PRR7: variants seen among roughly 807,000 people sequenced by gnomAD.
PRR7 encodes the protein proline rich 7, synaptic.
In PRR7, 8 loss-of-function variants were observed where a neutral mutation model predicts 18.5. That is an observed-to-expected ratio of 0.43 (90% CI 0.25 to 0.78). The LOEUF is 0.78. Ranked by LOEUF, PRR7 falls within the 30% of genes least tolerant of loss-of-function variation. The probability of loss-of-function intolerance (pLI) is 0.22; values close to 1 mark genes in which losing one functional copy is unlikely to be tolerated. For missense variants in PRR7, 396 were observed against 403.1 expected (o/e 0.98, Z 0.15); for synonymous variants, 221 against 187.7 (o/e 1.18, Z -1.45).
intron 1 of PRR7, among the ~76,000 whole-genome samples, chr5:177,447,950 T>A (rs1416193772): frequency 6.6e-6 from 1 of 152,176 alleles, no homozygotes; most frequent in African/African-American, 2.4e-5. Context: ...ACGCGCCACA[T>A]GGAGGTGCCT....
At position 177,455,749 on chromosome 5, in the gene PRR7, G is replaced by A. The variant is rs775312472; in HGVS notation, c.453G>A (p.Pro151=). Residue 151 remains proline (P), a synonymous_variant, in exon 4 of 4, where the codon CCG becomes CCA. Coordinates refer to ENST00000323249, the MANE Select transcript of PRR7 (RefSeq NM_030567.5). This position sits in a 1 kb window ranked among gnomAD's most constrained non-coding sequence, Gnocchi z 6.9. ...RQAESDMSKP[P]CYEEAVLMAE... is the part of the protein sequence containing the mutation. ...CGGAATCGGACATGTCCAAACCACC[G>A]TGTTACGAAGAGGCGGTGCTGATGG... 8 of 1,606,932 alleles carry A rather than the reference G, an allele frequency of 5.0e-6. No individual in the cohort carries two copies. In the South Asian group the frequency reaches 7.7e-5, roughly 16 times the overall value.
At chr5:177,448,631 C>T (rs578017481) in intron 1 of PRR7, among the ~76,000 whole-genome samples, 17 of 152,228 alleles carry the variant, frequency 1.1e-4, no homozygotes, top group Non-Finnish European at 1.9e-4. Context: ...GAGGACATTC[C>T]CTGTCTTTCG....
intron 1 of PRR7, among the ~76,000 whole-genome samples, chr5:177,451,977 C>T (rs545299108): frequency 6.6e-6 from 1 of 152,302 alleles, no homozygotes; most frequent in Admixed American, 6.5e-5. Context: ...GAAACAGAGG[C>T]AACTTGGAGG....
At chr5:177,448,614 C>T (rs1211803852) in intron 1 of PRR7, among the ~76,000 whole-genome samples, 1 of 152,228 alleles carries the variant, frequency 6.6e-6, no homozygotes, top group Admixed American at 6.5e-5. Context: ...CTTCACTTTC[C>T]TCCAGTGAGG....
At position 177,455,945 on chromosome 5, in the gene PRR7, C is replaced by T; in HGVS notation, c.649C>T (p.Pro217Ser). The T allele has an allele frequency of 6.3e-7, 1 of 1,599,410 alleles. No individual in the cohort carries two copies. Among genetic ancestry groups the T allele is most frequent in the Non-Finnish European group, 8.5e-7 (1 of 1,175,994 alleles). ...GGGCTACACCTCGGCGCTGCACCTG[C>T]CCAGCGCCCCTCGGCCCGCGCCGCC... Reference protein sequence around the residue: ...DRGYTSALHLPSAPRPAPPCP... With the variant: ...DRGYTSALHLSSAPRPAPPCP... Residue 217 changes from proline (P) to serine (S), a missense_variant, in exon 4 of 4, where the codon CCC (proline) becomes TCC (serine). Pro to Ser is a moderately conservative substitution (Grantham distance 74). Around this residue, in one of 2 missense-constraint regions of PRR7, gnomAD observed 383 missense variants for 372.6 expected, o/e 1.03. Transcript: ENST00000323249. This position sits in a 1 kb window ranked among gnomAD's most constrained non-coding sequence, Gnocchi z 6.9.
At chr5:177,447,088 G>T (rs946067577) in intron 1 of PRR7, 128 bp downstream of exon 1, 1 of 151,972 alleles carries the variant, frequency 6.6e-6, no homozygotes, top group African/African-American at 2.4e-5. Context: ...TCCCCCGCCC[G>T]GGCCGCGAGC....
At chr5:177,447,395 C>A (rs1159516460) in intron 1 of PRR7, among the ~76,000 whole-genome samples, 1 of 152,142 alleles carries the variant, frequency 6.6e-6, no homozygotes, top group Non-Finnish European at 1.5e-5. Flanking sequence ...GGGGTGGGGG[C>A]GAACGGCCGT....
chr5:177,455,576 G>T lies in PRR7; in HGVS notation c.427+82G>T, dbSNP rs1400334572. The T allele has an allele frequency of 3.0e-5, 43 of 1,413,580 alleles. No individual in the cohort carries two copies. Among genetic ancestry groups the T allele is most frequent in the Non-Finnish European group, 3.7e-5 (40 of 1,090,150 alleles). 87.6% of individuals were successfully genotyped at this position (1,413,580 alleles called of 1,614,324 possible). A position where few individuals can be genotyped will look rare whatever the true frequency, so the allele number is the denominator to read the frequency against. On this transcript the variant is annotated intron_variant, in intron 3 of 3. Transcript: ENST00000323249. The surrounding 1 kb of genome is among the most constrained non-coding windows in gnomAD (Gnocchi z 6.9). ...GGAGGGCTCGCTGCTTACCCTCAGG[G>T]CTTCCATCCGCAGCCTCCGGGAGAA...
Position 177,454,991 on chromosome 5 carries a change from T to C in PRR7, c.-77T>C. On this transcript the variant is annotated 5_prime_UTR_variant, in exon 3 of 4. Coordinates refer to ENST00000323249, the MANE Select transcript of PRR7 (RefSeq NM_030567.5). This position sits in a 1 kb window ranked among gnomAD's most constrained non-coding sequence, Gnocchi z 4.7. ...GTGACGCTGGCGGCACCTGAGAGTGTGGCGCGGGCCCGGGGCCACGCAGCG... is the reference window on the plus strand; with the variant it reads ...GTGACGCTGGCGGCACCTGAGAGTGCGGCGCGGGCCCGGGGCCACGCAGCG... The C allele has an allele frequency of 1.5e-6, 2 of 1,370,922 alleles. No homozygotes were observed. Among genetic ancestry groups the C allele is most frequent in the East Asian group, 2.8e-5 (1 of 35,742 alleles). The allele number at this position is 1,370,922 out of a possible 1,614,324, so 84.9% of individuals were successfully genotyped here.
Position 177,456,161 on chromosome 5 carries a change from G to C in PRR7, c.*40G>C, listed in dbSNP as rs890382181. On this transcript the variant is annotated 3_prime_UTR_variant, in exon 4 of 4. Transcript: ENST00000323249. Reference sequence around the variant, plus strand: ...CCCCGGGCCCCACCGGCGGACTCCTGGCCTGACTGCGGGGCTTTTTAAATG... The same window carrying C: ...CCCCGGGCCCCACCGGCGGACTCCTCGCCTGACTGCGGGGCTTTTTAAATG... The C allele has an allele frequency of 3.0e-5, 43 of 1,410,732 alleles. No individual in the cohort carries two copies. The African/African-American group carries it at 5.9e-4, about 19-fold the overall frequency. The allele number at this position is 1,410,732 out of a possible 1,614,324, so 87.4% of individuals were successfully genotyped here. A position where few individuals can be genotyped will look rare whatever the true frequency, so the allele number is the denominator to read the frequency against.
In PRR7 at chr5:177,456,048, G is replaced by A; in HGVS notation, c.752G>A (p.Arg251His). ...PSWTDSELSS[R>H]EPLEHGAWRL... ...TGGACCGACTCAGAGCTCAGCAGCC[G>A]CGAGCCCCTGGAGCACGGAGCTTGG... Residue 251 changes from arginine (R) to histidine (H), a missense_variant, in exon 4 of 4, where the codon CGC (arginine) becomes CAC (histidine). By Grantham distance (29) the Arg-to-His change is conservative. Coordinates refer to ENST00000323249, the MANE Select transcript of PRR7 (RefSeq NM_030567.5). 6.3e-7 allele frequency: 1 copy of A among 1,576,216 alleles called. No individual in the cohort carries two copies. The highest frequency in any genetic ancestry group is 8.6e-7 in the Non-Finnish European group (1 of 1,167,578).
chr5:177,452,574 G>A (rs1179117605), intron 1 of PRR7, among the ~76,000 whole-genome samples: 6 of 152,222 alleles, frequency 3.9e-5, no homozygotes, highest in Non-Finnish European at 8.8e-5. Context: ...TGGCACTGCC[G>A]AGAAGACAGC....
chr5:177,455,009 A>C lies in PRR7; in HGVS notation c.-59A>C. On this transcript the variant is annotated 5_prime_UTR_variant, in exon 3 of 4. Coordinates refer to ENST00000323249, the MANE Select transcript of PRR7 (RefSeq NM_030567.5). The surrounding 1 kb of genome is among the most constrained non-coding windows in gnomAD (Gnocchi z 6.9). ...GAGAGTGTGGCGCGGGCCCGGGGCC[A>C]CGCAGCGGAGCCCAGTGTCCAGTGA... 1.4e-6 allele frequency: 2 copies of C among 1,388,852 alleles called. No homozygotes were observed. Among genetic ancestry groups the C allele is most frequent in the Non-Finnish European group, 1.9e-6 (2 of 1,071,480 alleles). The allele number at this position is 1,388,852 out of a possible 1,614,324, so 86.0% of individuals were successfully genotyped here.
In PRR7 at chr5:177,455,197, G is replaced by C. The variant is rs1352434360; in HGVS notation, c.130G>C (p.Glu44Gln). ...CCGCCGCCTCAAACGGCGCCAGGAG[G>C]AGCGACTGCGCGAGCAGAACCTGCG... ...LRRRLKRRQE[E>Q]RLREQNLRAL... Residue 44 changes from glutamate (E) to glutamine (Q), a missense_variant, in exon 3 of 4, where the codon GAG becomes CAG. Physicochemically the swap from Glu to Gln is conservative, Grantham distance 29. Around this residue, in one of 2 missense-constraint regions of PRR7, gnomAD observed 383 missense variants for 372.6 expected, o/e 1.03. Coordinates refer to ENST00000323249, the MANE Select transcript of PRR7 (RefSeq NM_030567.5). This position sits in a 1 kb window ranked among gnomAD's most constrained non-coding sequence, Gnocchi z 6.9. 2 of 1,572,220 alleles carry C rather than the reference G, an allele frequency of 1.3e-6. No homozygotes were observed. The highest frequency in any genetic ancestry group is 2.5e-5 in the East Asian group (1 of 40,244).
chr5:177,447,087 C>T (rs573405810), intron 1 of PRR7, 127 bp downstream of exon 1: 4,504 of 152,196 alleles, frequency 0.03, 96 homozygotes, highest in African/African-American at 0.056. Flanking sequence ...GTCCCCCGCC[C>T]GGGCCGCGAG....
In PRR7 at chr5:177,455,294, A is replaced by G. The variant is rs970037470; in HGVS notation, c.227A>G (p.Gln76Arg). 3.1e-5 allele frequency: 47 copies of G among 1,503,168 alleles called. No homozygotes were observed. The highest frequency in any genetic ancestry group is 4.1e-5 in the Non-Finnish European group (47 of 1,134,402). The allele number at this position is 1,503,168 out of a possible 1,614,324, so 93.1% of individuals were successfully genotyped here. The change falls in exon 3 of 4, where the codon CAG (glutamine) becomes CGG (arginine). Residue 76 changes from glutamine to arginine, a missense_variant. By Grantham distance (43) the Gln-to-Arg change is conservative. Around this residue, in one of 2 missense-constraint regions of PRR7, gnomAD observed 383 missense variants for 372.6 expected, o/e 1.03. Transcript: ENST00000323249. This position sits in a 1 kb window ranked among gnomAD's most constrained non-coding sequence, Gnocchi z 6.9. ...AGSPPGLAPP[Q>R]PPPHRSRLEA... ...AGCCCCCCGGGCCTGGCGCCGCCGC[A>G]GCCACCACCACACCGTAGCCGCCTG...
chr5:177,455,842 G>T lies in PRR7; in HGVS notation c.546G>T (p.Thr182=), dbSNP rs542051644. The change falls in exon 4 of 4, where the codon ACG becomes ACT. Residue 182 remains threonine (T), a synonymous_variant. Transcript: ENST00000323249. This position sits in a 1 kb window ranked among gnomAD's most constrained non-coding sequence, Gnocchi z 6.9. ...GCGGCCTCTACCGCAAGATCGTCAC[G>T]CCCTTCCTGAGTCGCCGCGACAGCG... The part of the protein sequence containing the change: ...DTRGLYRKIV[T]PFLSRRDSAE... 2 of 1,612,102 alleles carry T rather than the reference G, an allele frequency of 1.2e-6. No individual in the cohort carries two copies. Among genetic ancestry groups the T allele is most frequent in the Non-Finnish European group, 8.5e-7 (1 of 1,179,746 alleles).
In PRR7 at chr5:177,455,757, A is replaced by G; in HGVS notation, c.461A>G (p.Glu154Gly). ...ESDMSKPPCY[E>G]EAVLMAEPPP... ...GACATGTCCAAACCACCGTGTTACGAAGAGGCGGTGCTGATGGCAGAGCCG... is the reference window on the plus strand; with the variant it reads ...GACATGTCCAAACCACCGTGTTACGGAGAGGCGGTGCTGATGGCAGAGCCG... Residue 154 changes from glutamate to glycine, a missense_variant, in exon 4 of 4, where the codon GAA (glutamate) becomes GGA (glycine). Physicochemically the swap from Glu to Gly is moderately conservative, Grantham distance 98. Coordinates refer to ENST00000323249, the MANE Select transcript of PRR7 (RefSeq NM_030567.5). This position sits in a 1 kb window ranked among gnomAD's most constrained non-coding sequence, Gnocchi z 6.9. 2.5e-6 allele frequency: 4 copies of G among 1,608,170 alleles called. No individual in the cohort carries two copies. Among genetic ancestry groups the G allele is most frequent in the Non-Finnish European group, 3.4e-6 (4 of 1,177,606 alleles).
At position 177,455,624 on chromosome 5, in the gene PRR7, T is replaced by TTCGGGC. The variant is rs940665023; in HGVS notation, c.428-98_428-93dup. 1.4e-6 allele frequency: 2 copies of TTCGGGC among 1,401,370 alleles called. No individual in the cohort carries two copies. The highest frequency in any genetic ancestry group is 1.5e-5 in the African/African-American group (1 of 65,748). 86.8% of individuals were successfully genotyped at this position (1,401,370 alleles called of 1,614,324 possible). ...GAACACGGGCGGCGGCGGGCTCGGG[T>TTCGGGC]TCGGGCTAGGGCTGGGGCGCGGGCG... On this transcript the variant is annotated intron_variant, in intron 3 of 3. Coordinates refer to ENST00000323249, the MANE Select transcript of PRR7 (RefSeq NM_030567.5). The surrounding 1 kb of genome is among the most constrained non-coding windows in gnomAD (Gnocchi z 6.9).
Sources: allele counts gnomAD v4.1 joint callset (sites outside exome capture counted in the v4.1 genomes callset), GRCh38; gene constraint gnomAD v4.1.1; regional missense constraint gnomAD v4.1.1; non-coding constraint Gnocchi (gnomAD v3.1); transcripts MANE v1.5; gene names NCBI Gene and HGNC (gene_info 2026-07-23, HGNC 2026-07-21).